Variants in PIWIL1 observed in about 807,000 individuals in gnomAD.
The protein encoded by PIWIL1 is piwi-like protein 1.
Under a neutral mutation model 114.4 loss-of-function variants are expected in PIWIL1, and 73 were observed. The ratio of observed to expected loss-of-function variants is 0.64; its 90% CI spans 0.53 to 0.78. PIWIL1 has a LOEUF of 0.78. Among genes scored for constraint, PIWIL1 ranks in the 30% least tolerant of loss-of-function variants. The pLI is 0.00. For synonymous variants in PIWIL1, 375 were observed against 369.0 expected, an observed-to-expected ratio of 1.02 and a Z score of -0.19; for missense variants, 723 against 1,063.1, an observed-to-expected ratio of 0.68 and a Z score of 4.45.
At chr12:130,389,762 C>G in the PIWIL1 span, among the ~76,000 whole-genome samples, 1 of 152,150 alleles carries the variant, frequency 6.6e-6, no homozygotes, top group Non-Finnish European at 1.5e-5. Context: ...CTCTTTATCT[C>G]TTTTCTTCAG....
chr12:130,423,976 G>T, the PIWIL1 span, among the ~76,000 whole-genome samples: 6 of 152,262 alleles, frequency 3.9e-5, no homozygotes, highest in South Asian at 4.1e-4. Flanking sequence ...ATGGTCAAAA[G>T]GTTGGGAAGC....
At chr12:130,370,760 T>A (rs761339262) in intron 19 of PIWIL1, among the ~76,000 whole-genome samples, 3 of 152,168 alleles carry the variant, frequency 2.0e-5, no homozygotes, top group Non-Finnish European at 4.4e-5. Flanking sequence ...AAAAGCATGT[T>A]TGGGGAGTAA....
chr12:130,372,071 G>A lies in PIWIL1; in HGVS notation c.*473G>A, dbSNP rs1453907096. ...GTGGGGTTTCAGCTCATATCTTAAA[G>A]ATAAAAGGTACTATTATATAACCTA... is the stretch of plus-strand genomic sequence containing the variant. On this transcript the variant is annotated 3_prime_UTR_variant, in exon 21 of 21. Coordinates refer to ENST00000245255, the MANE Select transcript of PIWIL1 (RefSeq NM_004764.5). 6.5e-6 allele frequency: 1 copy of A among 152,750 alleles called. No homozygotes were observed. 9.5% of individuals were successfully genotyped at this position (152,750 alleles called of 1,614,324 possible).
chr12:130,343,932 A>G (rs1301924541), intron 3 of PIWIL1, among the ~76,000 whole-genome samples: 1 of 152,086 alleles, frequency 6.6e-6, no homozygotes, highest in Non-Finnish European at 1.5e-5. Context: ...CGGCCCATTG[A>G]AGGATTCTTA....
the PIWIL1 span, among the ~76,000 whole-genome samples, chr12:130,382,455 T>C: frequency 6.6e-6 from 1 of 152,240 alleles, no homozygotes; most frequent in African/African-American, 2.4e-5. Flanking sequence ...CCATGCTGCT[T>C]AGGGGCCTGG....
chr12:130,414,403 G>T, the PIWIL1 span: 1 of 1,258,698 alleles, frequency 7.9e-7, no homozygotes, highest in Non-Finnish European at 1.1e-6. Flanking sequence ...GGATGGCAGC[G>T]GTTCCTTGAC....
At chr12:130,368,183 C>G (rs2073722428) in intron 19 of PIWIL1, among the ~76,000 whole-genome samples, 1 of 152,142 alleles carries the variant, frequency 6.6e-6, no homozygotes, top group Non-Finnish European at 1.5e-5. Context: ...GTGATGGCAA[C>G]CCATCAGTCA....
the PIWIL1 span, among the ~76,000 whole-genome samples, chr12:130,408,785 C>G: frequency 2.0e-5 from 3 of 152,166 alleles, no homozygotes; most frequent in African/African-American, 7.2e-5. Flanking sequence ...TGGGGAATTC[C>G]AAACATACAG....
In PIWIL1 at chr12:130,350,009, T is replaced by C. The variant is rs143440689; in HGVS notation, c.1044+42T>C. The stretch of plus-strand genomic sequence containing the variant: ...TAGATCTCAGGAGAAATCCAAAATA[T>C]CTTTGGTAGAATTCTCTAACACTTG... On this transcript the variant is annotated intron_variant, in intron 9 of 20. Coordinates refer to ENST00000245255, the MANE Select transcript of PIWIL1 (RefSeq NM_004764.5). The C allele has an allele frequency of 2.7e-3, 2,979 of 1,108,408 alleles. 31 individuals carry two copies. Among genetic ancestry groups the C allele is most frequent in the Middle Eastern group, 0.019 (97 of 4,986 alleles). The allele number at this position is 1,108,408 out of a possible 1,614,324, so 68.7% of individuals were successfully genotyped here. A position where few individuals can be genotyped will look rare whatever the true frequency, so the allele number is the denominator to read the frequency against.
intron 6 of PIWIL1, among the ~76,000 whole-genome samples, chr12:130,347,869 T>A (rs1013680776): frequency 6.6e-6 from 1 of 152,298 alleles, no homozygotes. Flanking sequence ...TGGTGGATGC[T>A]GAAGTCTGAA....
the PIWIL1 span, among the ~76,000 whole-genome samples, chr12:130,381,972 T>C: frequency 1.3e-5 from 2 of 152,166 alleles, no homozygotes; most frequent in Admixed American, 6.5e-5. Context: ...CCTGTTAAGG[T>C]TTTTGGCCCC....
chr12:130,405,665 G>A, the PIWIL1 span, among the ~76,000 whole-genome samples: 1 of 140,796 alleles, frequency 7.1e-6, no homozygotes, highest in East Asian at 2.5e-4. Flanking sequence ...GGAATCACCA[G>A]CAGCAAGGGG....
the PIWIL1 span, among the ~76,000 whole-genome samples, chr12:130,381,787 C>T: frequency 6.6e-5 from 10 of 152,180 alleles, no homozygotes; most frequent in Admixed American, 2.6e-4. Flanking sequence ...ATGAGAGTTC[C>T]TGTTAATTCA....
the PIWIL1 span, chr12:130,407,687 T>G: frequency 6.7e-7 from 1 of 1,485,706 alleles, no homozygotes; most frequent in South Asian, 1.1e-5. Context: ...GGGAAGGGTG[T>G]GGTTGTGTCC....
At chr12:130,384,056 T>C in the PIWIL1 span, among the ~76,000 whole-genome samples, 1 of 152,256 alleles carries the variant, frequency 6.6e-6, no homozygotes, top group Admixed American at 6.5e-5. Flanking sequence ...CCATACTCTG[T>C]TTAGTGTTCC....
the PIWIL1 span, chr12:130,398,936 G>A: frequency 3.0e-6 from 1 of 331,230 alleles, no homozygotes. Context: ...AAATTCAGTT[G>A]CTTTACAACT....
intron 3 of PIWIL1, 190 bp from the exon 4 acceptor site, chr12:130,345,563 G>A (rs2073047491): frequency 1.8e-6 from 1 of 554,558 alleles, no homozygotes; most frequent in African/African-American, 1.9e-5. Context: ...CTTTATGAAT[G>A]AAGTTATAAC....
At chr12:130,371,149 A>T (rs762655093) in intron 19 of PIWIL1, 27 bp from the exon 20 acceptor site, 1 of 1,606,056 alleles carries the variant, frequency 6.2e-7, no homozygotes, top group African/African-American at 1.3e-5. Flanking sequence ...AGTTTTCAGC[A>T]CATCCGTGTG....
At chr12:130,412,553 C>T in the PIWIL1 span, 1 of 1,468,706 alleles carries the variant, frequency 6.8e-7, no homozygotes, top group Non-Finnish European at 9.4e-7. Flanking sequence ...CCGCCTGCCT[C>T]TCTGAGCGGC....
Sources: gnomAD v4.1 joint callset for allele counts (sites outside exome capture counted in the v4.1 genomes callset) on GRCh38, gnomAD v4.1.1 for gene constraint, MANE v1.5 for transcripts, NCBI Gene and HGNC (gene_info 2026-07-23, HGNC 2026-07-21) for gene names.